The following GPR176 variants were observed in gnomAD, a reference collection of about 807,000 sequenced individuals.
GPR176 encodes G protein-coupled receptor 176.
GPR176 carries 26 observed loss-of-function variants against 35.4 expected under a neutral mutation model. The ratio of observed to expected loss-of-function variants is 0.74; its 90% CI spans 0.54 to 1.02. GPR176 has a LOEUF of 1.02. Among genes scored for constraint, GPR176 ranks in the 50% least tolerant of loss-of-function variants. The probability of loss-of-function intolerance (pLI) is 0.00; values close to 1 mark genes in which losing one functional copy is unlikely to be tolerated. For synonymous variants in GPR176, 278 were observed against 271.3 expected, an observed-to-expected ratio of 1.02 and a Z score of -0.24; for missense variants, 597 against 665.3, an observed-to-expected ratio of 0.90 and a Z score of 1.13.
intron 1 of GPR176, among the ~76,000 whole-genome samples, chr15:39,855,050 CAAAA>C (rs1158490962): frequency 8.2e-6 from 1 of 121,782 alleles, no homozygotes; most frequent in Non-Finnish European, 1.8e-5. Context: ...GACCCTGTCT[CAAAA>C]AAAAAAAAAA....
intron 1 of GPR176, among the ~76,000 whole-genome samples, chr15:39,837,590 G>T (rs114119372): frequency 0.014 from 2,191 of 152,112 alleles, 52 homozygotes; most frequent in African/African-American, 0.051. Flanking sequence ...AATTAACACA[G>T]CACTTAGCAC....
chr15:39,813,109 T>C (rs901932486), intron 1 of GPR176: 1 of 152,232 alleles, frequency 6.6e-6, no homozygotes, highest in Non-Finnish European at 1.5e-5. Flanking sequence ...TACATTTTTG[T>C]TGTCATACAT....
In GPR176 at chr15:39,879,995, G is replaced by A. The variant is rs115958886; in HGVS notation, c.172+39860C>T. Among the ~76,000 whole-genome samples, 1,135 of 152,276 alleles carry A rather than the reference G, an allele frequency of 7.5e-3. 19 individuals carry two copies. Among genetic ancestry groups the A allele is most frequent in the African/African-American group, 0.026 (1,081 of 41,548 alleles). ...TTTCAAAGTCCTATGTGGGTGACAA[G>A]ACCCACAATTCCTATACTTATCAAC... On this transcript the variant is annotated intron_variant, in intron 1 of 2. Coordinates refer to ENST00000561100, the MANE Select transcript of GPR176 (RefSeq NM_007223.3).
intron 1 of GPR176, among the ~76,000 whole-genome samples, chr15:39,864,092 C>T (rs1357897828): frequency 2.6e-5 from 4 of 152,048 alleles, no homozygotes; most frequent in South Asian, 2.1e-4. Context: ...AGCTGAAAAG[C>T]GTGGTAAATA....
chr15:39,898,043 T>G (rs977388214), intron 1 of GPR176, among the ~76,000 whole-genome samples: 4 of 152,248 alleles, frequency 2.6e-5, no homozygotes, highest in African/African-American at 9.6e-5. Flanking sequence ...CTGAAAACCT[T>G]ACCATTCATC....
intron 1 of GPR176, among the ~76,000 whole-genome samples, chr15:39,870,032 G>A (rs1053396897): frequency 2.0e-5 from 3 of 152,186 alleles, no homozygotes; most frequent in East Asian, 1.9e-4. Flanking sequence ...AAGTCAAGGC[G>A]TCAGCAGAGC....
intron 1 of GPR176, among the ~76,000 whole-genome samples, chr15:39,897,599 A>ATTTTTTTTTTTTTTTTTTTTT (rs386382791): frequency 1.1e-5 from 1 of 88,528 alleles, no homozygotes; most frequent in African/African-American, 4.5e-5. Flanking sequence ...ACATCCAAAT[A>ATTTTTTTTTTTTTTTTTTTTT]TTTTTTTTTT....
At chr15:39,826,376 G>C (rs530605541) in intron 1 of GPR176, among the ~76,000 whole-genome samples, 12 of 152,176 alleles carry the variant, frequency 7.9e-5, no homozygotes, top group Admixed American at 3.9e-4. Flanking sequence ...CTGGAACAAG[G>C]TTGAGAGATT....
intron 2 of GPR176, among the ~76,000 whole-genome samples, chr15:39,805,537 AC>A (rs1232966998): frequency 6.6e-6 from 1 of 152,062 alleles, no homozygotes; most frequent in Non-Finnish European, 1.5e-5. Context: ...ATTAGCTGCA[AC>A]TGCTGAGCGG....
At chr15:39,850,762 T>C (rs577958162) in intron 1 of GPR176, among the ~76,000 whole-genome samples, 5 of 152,220 alleles carry the variant, frequency 3.3e-5, no homozygotes, top group African/African-American at 1.2e-4. Flanking sequence ...ATTTCTTACA[T>C]CTGCATGTCA....
chr15:39,916,106 C>T, intron 1 of GPR176, among the ~76,000 whole-genome samples: 1 of 152,074 alleles, frequency 6.6e-6, no homozygotes, highest in Non-Finnish European at 1.5e-5. Context: ...CAGAGAGGAG[C>T]CCAGTTCTCT....
At chr15:39,905,447 CAAAAA>C (rs35302123) in intron 1 of GPR176, among the ~76,000 whole-genome samples, 1 of 91,114 alleles carries the variant, frequency 1.1e-5, no homozygotes, top group African/African-American at 4.0e-5. Context: ...CTCGTCTCTA[CAAAAA>C]AAAAAAAAAA....
intron 1 of GPR176, among the ~76,000 whole-genome samples, chr15:39,850,012 C>A (rs562467151): frequency 6.6e-6 from 1 of 152,140 alleles, no homozygotes; most frequent in East Asian, 1.9e-4. Flanking sequence ...CATGTCTAAA[C>A]ATGGAAAAGG....
rs112711592 is a variant in GPR176 at position 39,908,498 on chromosome 15, T to A, written c.172+11357A>T. Among the ~76,000 whole-genome samples, 1,380 of 152,302 alleles carry A rather than the reference T, an allele frequency of 9.1e-3. 24 individuals carry two copies. Among genetic ancestry groups the A allele is most frequent in the African/African-American group, 0.031 (1,308 of 41,558 alleles). The stretch of plus-strand genomic sequence containing the variant: ...ATACTATATGTTATCAGTCAGGATA[T>A]TTGTGTGACAGAAACCCAACTCAAA... On this transcript the variant is annotated intron_variant, in intron 1 of 2. Coordinates refer to ENST00000561100, the MANE Select transcript of GPR176 (RefSeq NM_007223.3).
Position 39,919,938 on chromosome 15 carries a change from G to T in GPR176, c.89C>A (p.Ala30Glu). The T allele has an allele frequency of 6.6e-7, 1 of 1,518,224 alleles. No individual in the cohort carries two copies. Among genetic ancestry groups the T allele is most frequent in the Non-Finnish European group, 8.8e-7 (1 of 1,136,442 alleles). The allele number at this position is 1,518,224 out of a possible 1,614,324, so 94.0% of individuals were successfully genotyped here. The change falls in exon 1 of 3, where the codon GCG (alanine) becomes GAG (glutamate). Residue 30 changes from alanine to glutamate, a missense_variant. Around this residue, in one of 3 missense-constraint regions of GPR176, gnomAD observed 126 missense variants for 112.4 expected, o/e 1.12. Coordinates refer to ENST00000561100, the MANE Select transcript of GPR176 (RefSeq NM_007223.3). ...CTGCGCCTCGCCGAACTCCCCGAGCGCGCTGCGGTTCACACCCGCAGCCTC... is the reference window on the plus strand; with the variant it reads ...CTGCGCCTCGCCGAACTCCCCGAGCTCGCTGCGGTTCACACCCGCAGCCTC... Reference protein sequence around the residue: ...GAEAAGVNRSALGEFGEAQLY... With the variant: ...GAEAAGVNRSELGEFGEAQLY...
intron 1 of GPR176, among the ~76,000 whole-genome samples, chr15:39,818,303 C>T (rs1900050631): frequency 6.6e-6 from 1 of 152,122 alleles, no homozygotes; most frequent in African/African-American, 2.4e-5. Flanking sequence ...AGGATTTTTT[C>T]TGAAATGATG....
At chr15:39,900,911 T>C (rs2033258644) in intron 1 of GPR176, among the ~76,000 whole-genome samples, 1 of 152,214 alleles carries the variant, frequency 6.6e-6, no homozygotes, top group Admixed American at 6.5e-5. Flanking sequence ...AATTCTATCA[T>C]GTTTCTGACA....
intron 1 of GPR176, among the ~76,000 whole-genome samples, chr15:39,824,116 GC>G (rs2140815733): frequency 6.6e-6 from 1 of 152,282 alleles, no homozygotes; most frequent in South Asian, 2.1e-4. Flanking sequence ...GTTTAAAAGA[GC>G]CTGGCACTTC....
intron 1 of GPR176, among the ~76,000 whole-genome samples, chr15:39,821,938 T>G (rs1006203997): frequency 2.0e-5 from 3 of 152,226 alleles, no homozygotes; most frequent in African/African-American, 7.2e-5. Flanking sequence ...ATGACAGAAA[T>G]GTCTGTGAGA....
Sources: gnomAD v4.1 joint callset for allele counts (sites outside exome capture counted in the v4.1 genomes callset) on GRCh38, gnomAD v4.1.1 for gene constraint, gnomAD v4.1.1 regional missense constraint, MANE v1.5 for transcripts, NCBI Gene and HGNC (gene_info 2026-07-23, HGNC 2026-07-21) for gene names.